The following CALN1 variants were observed in gnomAD, a reference collection of about 807,000 sequenced individuals.
The protein encoded by CALN1 is calneuron 1, also known as calcium-binding protein 8.
A neutral mutation model predicts 30.6 loss-of-function variants in CALN1; 17 were observed. The observed-to-expected ratio is 0.56, with a 90% confidence interval of 0.38 to 0.83. The LOEUF (loss-of-function observed/expected upper bound fraction) is 0.83, where lower values mean the gene tolerates loss of function less well. Ranked by LOEUF, CALN1 falls within the 40% of genes least tolerant of loss-of-function variation. The probability of loss-of-function intolerance (pLI) is 0.00; values close to 1 mark genes in which losing one functional copy is unlikely to be tolerated. For missense variants in CALN1, 291 were observed against 354.9 expected (o/e 0.82, Z 1.45); for synonymous variants, 156 against 131.4 (o/e 1.19, Z -1.28).
chr7:72,327,107 C>T (rs905959450), intron 2 of CALN1, among the ~76,000 whole-genome samples: 1 of 152,244 alleles, frequency 6.6e-6, no homozygotes. Flanking sequence ...ACAATGAAGC[C>T]CCCAAGCCCA....
intron 3 of CALN1, among the ~76,000 whole-genome samples, chr7:72,126,090 C>T (rs1010446150): frequency 2.0e-5 from 3 of 152,300 alleles, no homozygotes; most frequent in South Asian, 2.1e-4. Context: ...TGAGCCACCG[C>T]GCCCAGCTCA....
intron 2 of CALN1, among the ~76,000 whole-genome samples, chr7:72,388,092 C>G (rs1295919254): frequency 1.3e-5 from 2 of 152,026 alleles, no homozygotes; most frequent in African/African-American, 4.8e-5. Flanking sequence ...TTTGCACCAA[C>G]CTAGTAGAAG....
chr7:72,411,997 C>A (rs1386615855), intron 1 of CALN1, 61 bp downstream of exon 1: 7 of 152,218 alleles, frequency 4.6e-5, no homozygotes, highest in African/African-American at 1.7e-4. Flanking sequence ...GCTCCCAAAC[C>A]TGGCCCAGCT....
intron 5 of CALN1, among the ~76,000 whole-genome samples, chr7:71,950,149 G>A (rs1274821228): frequency 6.6e-6 from 1 of 152,140 alleles, no homozygotes; most frequent in Non-Finnish European, 1.5e-5. Flanking sequence ...TGTTCGAGAT[G>A]CCAAGAACCT....
intron 1 of CALN1, among the ~76,000 whole-genome samples, chr7:72,417,751 A>G (rs557176877): frequency 6.6e-6 from 1 of 152,156 alleles, no homozygotes; most frequent in Non-Finnish European, 1.5e-5. Flanking sequence ...CATGTTCATT[A>G]GTCATGGTTG....
intron 2 of CALN1, among the ~76,000 whole-genome samples, chr7:72,364,446 T>C (rs978016851): frequency 6.6e-6 from 1 of 152,218 alleles, no homozygotes; most frequent in Admixed American, 6.5e-5. Flanking sequence ...TAAAAATGTT[T>C]ATGATTTAGT....
intron 3 of CALN1, among the ~76,000 whole-genome samples, chr7:72,238,111 G>T (rs1354237284): frequency 1.3e-5 from 2 of 152,128 alleles, no homozygotes. Context: ...AATTGTTTAG[G>T]GTCTGCAGGT....
chr7:71,948,024 C>T (rs957159872), intron 5 of CALN1, among the ~76,000 whole-genome samples: 5 of 151,864 alleles, frequency 3.3e-5, no homozygotes, highest in Admixed American at 6.6e-5. Context: ...AGGGGCAGTG[C>T]ATTTTTGGGG....
chr7:72,079,540 C>T (rs1454589255), intron 4 of CALN1, among the ~76,000 whole-genome samples: 3 of 151,952 alleles, frequency 2.0e-5, no homozygotes. Flanking sequence ...TGGCAAAAAC[C>T]GCAATTACTC....
chr7:72,330,824 G>T (rs1801623763), intron 2 of CALN1, among the ~76,000 whole-genome samples: 1 of 152,178 alleles, frequency 6.6e-6, no homozygotes, highest in Non-Finnish European at 1.5e-5. Flanking sequence ...TGGTCATGGA[G>T]AGCTGCCCAC....
the CALN1 span, among the ~76,000 whole-genome samples, chr7:72,487,921 G>GAAAGAAAGAAA: frequency 1.7e-5 from 1 of 59,522 alleles, no homozygotes; most frequent in Non-Finnish European, 3.4e-5. Context: ...AAAGAAAGAA[G>GAAAGAAAGAAA]GAAGGAAGGA....
At chr7:72,347,282 T>C (rs1265925380) in intron 2 of CALN1, among the ~76,000 whole-genome samples, 2 of 151,764 alleles carry the variant, frequency 1.3e-5, no homozygotes, top group African/African-American at 4.8e-5. Context: ...AGTTCCCCTC[T>C]TTTTGCCCAG....
chr7:72,291,636 CT>C (rs1798483563), intron 2 of CALN1, among the ~76,000 whole-genome samples: 1 of 152,192 alleles, frequency 6.6e-6, no homozygotes, highest in South Asian at 2.1e-4. Context: ...ATCACTGCTA[CT>C]TTGCTGGGCC....
upstream of CALN1, among the ~76,000 whole-genome samples, chr7:72,448,595 G>A (rs1808591772): frequency 3.3e-5 from 5 of 151,688 alleles, no homozygotes; most frequent in Admixed American, 3.3e-4. Context: ...TAGTCAATAT[G>A]GTGGCACCTT....
chr7:71,941,855 G>C (rs142498769), intron 5 of CALN1, among the ~76,000 whole-genome samples: 1 of 152,094 alleles, frequency 6.6e-6, no homozygotes, highest in Non-Finnish European at 1.5e-5. Context: ...TAGAATGTTT[G>C]GGGATTAGGG....
upstream of CALN1, among the ~76,000 whole-genome samples, chr7:72,447,962 A>G (rs2129564640): frequency 6.6e-6 from 1 of 150,454 alleles, no homozygotes; most frequent in East Asian, 2.0e-4. Context: ...GCCTAGGTAT[A>G]CACATGCCTG....
At chr7:72,447,948 G>A (rs1029378042), upstream of CALN1, among the ~76,000 whole-genome samples, 8 of 140,660 alleles carry the variant, frequency 5.7e-5, no homozygotes, top group South Asian at 2.3e-4. Context: ...ACACACAGAC[G>A]CCTGCCTAGG....
intron 5 of CALN1, among the ~76,000 whole-genome samples, chr7:71,960,159 AAATAAATAAATAAATAAAT>A (rs1417943850): frequency 2.7e-5 from 4 of 148,030 alleles, no homozygotes; most frequent in African/African-American, 7.5e-5. Context: ...ATAAATAAAT[AAATAAATAAATAAATAAAT>A]AAATAAAATA....
At position 72,338,525 on chromosome 7, in the gene CALN1, G is replaced by GTGTGTGTGTGTGTGTCTGTCTGTC; in HGVS notation, c.120-59716_120-59715insGACAGACAGACACACACACACACA. Among the ~76,000 whole-genome samples the GTGTGTGTGTGTGTGTCTGTCTGTC allele has an allele frequency of 2.1e-3, 252 of 122,342 alleles. 4 individuals carry two copies. The highest frequency in any genetic ancestry group is 4.2e-3 in the Middle Eastern group (1 of 236). 80.3% of individuals were successfully genotyped at this position (122,342 alleles called of 152,430 possible). On this transcript the variant is annotated intron_variant, in intron 2 of 6. Coordinates refer to ENST00000395275, the MANE Select transcript of CALN1 (RefSeq NM_031468.4). ...TGTGTGTGTGTGTGTGTGTGTGTGT[G>GTGTGTGTGTGTGTGTCTGTCTGTC]TGTCTCACCTGGGTGTGGTTTCAGA...
Sources: allele counts gnomAD v4.1 joint callset (sites outside exome capture counted in the v4.1 genomes callset), GRCh38; gene constraint gnomAD v4.1.1; transcripts MANE v1.5; gene names NCBI Gene and HGNC (gene_info 2026-07-23, HGNC 2026-07-21).